RPS20: variants seen among roughly 807,000 people sequenced by gnomAD.
The protein encoded by RPS20 is ribosomal protein S20.
In RPS20, 3 loss-of-function variants were observed where a neutral mutation model predicts 15.3. That is an observed-to-expected ratio of 0.20 (90% CI 0.09 to 0.51). RPS20 has a LOEUF of 0.51. Ranked by LOEUF, RPS20 falls within the 20% of genes least tolerant of loss-of-function variation. RPS20 has a pLI of 0.96. For missense variants in RPS20, 67 were observed against 145.9 expected (o/e 0.46, Z 2.79); for synonymous variants, 62 against 47.8 (o/e 1.30, Z -1.23).
chr8:56,072,021 G>T (rs1563347067), downstream of RPS20, among the ~76,000 whole-genome samples: 1 of 152,140 alleles, frequency 6.6e-6, no homozygotes, highest in Non-Finnish European at 1.5e-5. Flanking sequence ...ACAGGCTGAT[G>T]GTTTGAGTCT....
At chr8:56,069,814 G>T, downstream of RPS20, 1 of 1,527,482 alleles carries the variant, frequency 6.5e-7, no homozygotes, top group Non-Finnish European at 8.9e-7. Context: ...CATGGGTTCT[G>T]CATCTGTAGA....
chr8:56,070,101 A>G (rs914797523), downstream of RPS20, among the ~76,000 whole-genome samples: 8 of 152,188 alleles, frequency 5.3e-5, no homozygotes, highest in Admixed American at 5.2e-4. Flanking sequence ...GATACTTAGG[A>G]AACACTGTAA....
chr8:56,067,416 T>A (rs1809640969), exon 6 of RPS20: 1 of 152,210 alleles, frequency 6.6e-6, no homozygotes, highest in Non-Finnish European at 1.5e-5. Flanking sequence ...CCGGGCGCGG[T>A]GGCTCACGCC....
downstream of RPS20, chr8:56,069,581 G>C: frequency 2.8e-6 from 2 of 726,306 alleles, no homozygotes; most frequent in South Asian, 3.5e-5. Context: ...TTACAGGTGT[G>C]AGCCACCCCG....
At chr8:56,070,738 A>C (rs1256584026), downstream of RPS20, among the ~76,000 whole-genome samples, 3 of 85,706 alleles carry the variant, frequency 3.5e-5, no homozygotes, top group East Asian at 6.6e-4. Context: ...ATTTAAATTC[A>C]AAAAAAAAAA....
At chr8:56,073,417 G>C in intron 3 of RPS20, 145 bp from the exon 4 acceptor site, 1 of 678,178 alleles carries the variant, frequency 1.5e-6, no homozygotes, top group Non-Finnish European at 2.5e-6. Context: ...GGTACCATGG[G>C]TTGAAAATGC....
chr8:56,072,602 G>A (rs1023869067), downstream of RPS20, among the ~76,000 whole-genome samples: 1 of 140,800 alleles, frequency 7.1e-6, no homozygotes, highest in African/African-American at 3.2e-5. Flanking sequence ...ATAAAACACT[G>A]AAAATATAAG....
rs900246426 is a variant in RPS20 at position 56,074,451 on chromosome 8, C to A, written c.-68G>T. 1.2e-5 allele frequency: 18 copies of A among 1,524,554 alleles called. No individual in the cohort carries two copies. The highest frequency in any genetic ancestry group is 1.5e-5 in the Non-Finnish European group (17 of 1,139,410). 94.4% of individuals were successfully genotyped at this position (1,524,554 alleles called of 1,614,324 possible). On this transcript the variant is annotated 5_prime_UTR_variant, in exon 1 of 4. Coordinates refer to ENST00000009589, the MANE Select transcript of RPS20 (RefSeq NM_001023.4). ...AGAGCGAACAGCGGTGAGTCAGGAG[C>A]AGGAGCGTGCGGACCAAAAATCCTC...
At chr8:56,072,364 C>T (rs1049864076), downstream of RPS20, among the ~76,000 whole-genome samples, 3 of 152,064 alleles carry the variant, frequency 2.0e-5, no homozygotes, top group Non-Finnish European at 4.4e-5. Context: ...CCAGCCTGAA[C>T]AACAGGACAA....
chr8:56,070,339 ATCTG>A (rs1171483899), downstream of RPS20, among the ~76,000 whole-genome samples: 2 of 152,188 alleles, frequency 1.3e-5, no homozygotes, highest in African/African-American at 4.8e-5. Flanking sequence ...TTTTGGAGCC[ATCTG>A]TCTGACTGCA....
Position 56,074,442 on chromosome 8 carries a change from A to C in RPS20, c.-59T>G. ...TCCTCGGCGAGAGCGAACAGCGGTG[A>C]GTCAGGAGCAGGAGCGTGCGGACCA... On this transcript the variant is annotated 5_prime_UTR_variant, in exon 1 of 4. Coordinates refer to ENST00000009589, the MANE Select transcript of RPS20 (RefSeq NM_001023.4). 1 of 1,538,282 alleles carries C rather than the reference A, an allele frequency of 6.5e-7. No homozygotes were observed. The highest frequency in any genetic ancestry group is 1.2e-5 in the South Asian group (1 of 84,818).
rs774811945 is a variant in RPS20 at position 56,073,734 on chromosome 8, C to T, written c.138G>A (p.Lys46=). ...CADLIRGAKE[K]NLKVKGPVRM... is the part of the protein sequence containing the mutation. ...GAACTGGTCCTTTCACTTTGAGATT[C>T]TTTTCTTTTGCGCCTCTTATCAAGT... The change falls in exon 3 of 4, where the codon AAG becomes AAA. Residue 46 remains lysine (K), a synonymous_variant. Transcript: ENST00000009589. The T allele has an allele frequency of 1.9e-6, 3 of 1,614,108 alleles. No homozygotes were observed. Among genetic ancestry groups the T allele is most frequent in the South Asian group, 2.2e-5 (2 of 91,086 alleles).
chr8:56,071,826 T>G (rs1247444470), downstream of RPS20, among the ~76,000 whole-genome samples: 1 of 152,234 alleles, frequency 6.6e-6, no homozygotes, highest in Non-Finnish European at 1.5e-5. Flanking sequence ...TTGATCCTAT[T>G]AAAAATTTCA....
rs1364437602 is a variant in RPS20, at chr8:56,073,991, A to C, written c.103+69T>G. 6 of 1,284,212 alleles carry C rather than the reference A, an allele frequency of 4.7e-6. No homozygotes were observed. In the Admixed American group the frequency reaches 1.0e-4, roughly 22 times the overall value. The allele number at this position is 1,284,212 out of a possible 1,614,324, so 79.6% of individuals were successfully genotyped here. A position where few individuals can be genotyped will look rare whatever the true frequency, so the allele number is the denominator to read the frequency against. ...TTCTTGCAGTCCACCTTCTACACTA[A>C]CATTAACGAGTAAAGCTCGTCGCTT... On this transcript the variant is annotated intron_variant, in intron 2 of 3. Coordinates refer to ENST00000009589, the MANE Select transcript of RPS20 (RefSeq NM_001023.4).
chr8:56,069,858 A>C, downstream of RPS20: 2 of 1,238,586 alleles, frequency 1.6e-6, no homozygotes, highest in Non-Finnish European at 2.3e-6. Flanking sequence ...TATTCAGAAA[A>C]AAAATTGTCT....
Position 56,074,163 on chromosome 8 carries a change from T to C in RPS20, c.4-4A>G, listed in dbSNP as rs2129213433. 1 of 1,608,630 alleles carries C rather than the reference T, an allele frequency of 6.2e-7. No homozygotes were observed. Among genetic ancestry groups the C allele is most frequent in the Non-Finnish European group, 8.5e-7 (1 of 1,178,194 alleles). On this transcript the variant is annotated splice_polypyrimidine_tract_variant and splice_region_variant and intron_variant, in intron 1 of 3. Coordinates refer to ENST00000009589, the MANE Select transcript of RPS20 (RefSeq NM_001023.4). ...TTTTTCCGGTATCCTTAAAAGCCTA[T>C]TATTAGATACATGAAAAAGAACAAT...
downstream of RPS20, among the ~76,000 whole-genome samples, chr8:56,071,208 GA>G (rs1263977192): frequency 6.6e-6 from 1 of 152,140 alleles, no homozygotes; most frequent in South Asian, 2.1e-4. Flanking sequence ...CTGATTTACT[GA>G]AGTGTATTTT....
At chr8:56,068,251 T>G (rs1247332346), downstream of RPS20, 1 of 152,168 alleles carries the variant, frequency 6.6e-6, no homozygotes, top group Non-Finnish European at 1.5e-5. Flanking sequence ...ATACAAGTGC[T>G]GGATAAGAAA....
chr8:56,069,750 T>G, downstream of RPS20: 1 of 1,551,646 alleles, frequency 6.4e-7, no homozygotes. Flanking sequence ...AAAAAGGACA[T>G]GTCCCCGGGG....
Sources: gnomAD v4.1 joint callset for allele counts (sites outside exome capture counted in the v4.1 genomes callset) on GRCh38, gnomAD v4.1.1 for gene constraint, MANE v1.5 for transcripts, NCBI Gene and HGNC (gene_info 2026-07-23, HGNC 2026-07-21) for gene names.